Variants in CSNK2A2IP observed in about 807,000 individuals in gnomAD.
CSNK2A2IP encodes casein kinase 2 subunit alpha' interacting protein.
the CSNK2A2IP span, chr3:88,466,494 C>T: frequency 8.1e-7 from 1 of 1,231,908 alleles, no homozygotes; most frequent in East Asian, 3.2e-5. Context: ...CCAAACACTG[C>T]ACCAGGAACA....
At chr3:88,461,397 C>CA in the CSNK2A2IP span, among the ~76,000 whole-genome samples, 1 of 151,728 alleles carries the variant, frequency 6.6e-6, no homozygotes, top group Non-Finnish European at 1.5e-5. Flanking sequence ...ACTAAAAATA[C>CA]AAAAAATTAG....
At chr3:88,455,003 C>T in the CSNK2A2IP span, among the ~76,000 whole-genome samples, 1 of 151,870 alleles carries the variant, frequency 6.6e-6, no homozygotes, top group African/African-American at 2.4e-5. Flanking sequence ...CTGAGTCTGT[C>T]TTATTTCACT....
the CSNK2A2IP span, among the ~76,000 whole-genome samples, chr3:88,375,573 T>A: frequency 6.6e-6 from 1 of 151,782 alleles, no homozygotes; most frequent in East Asian, 1.9e-4. Flanking sequence ...AGAGGAAAAG[T>A]GTTGATACCC....
the CSNK2A2IP span, among the ~76,000 whole-genome samples, chr3:88,423,834 A>T: frequency 5.3e-5 from 8 of 152,190 alleles, no homozygotes; most frequent in African/African-American, 1.9e-4. Context: ...GTGAGTTTTA[A>T]CCTGACCAGC....
the CSNK2A2IP span, among the ~76,000 whole-genome samples, chr3:88,428,473 C>T: frequency 6.6e-6 from 1 of 152,042 alleles, no homozygotes; most frequent in East Asian, 1.9e-4. Context: ...TATGCTTTGG[C>T]TCTGTGTCCC....
chr3:88,452,514 G>T, the CSNK2A2IP span, among the ~76,000 whole-genome samples: 437 of 152,220 alleles, frequency 2.9e-3, 2 homozygotes, highest in African/African-American at 9.8e-3. Context: ...ACAGCTGCAA[G>T]GTGATGCTGT....
chr3:88,416,235 G>A, the CSNK2A2IP span, among the ~76,000 whole-genome samples: 165 of 149,064 alleles, frequency 1.1e-3, 4 homozygotes, highest in African/African-American at 3.8e-3. Context: ...ATCGGCCACT[G>A]CACTCCAGCC....
the CSNK2A2IP span, among the ~76,000 whole-genome samples, chr3:88,363,457 C>A: frequency 6.6e-6 from 1 of 152,086 alleles, no homozygotes. Flanking sequence ...TTAGTATAAC[C>A]ATTTTATTAC....
the CSNK2A2IP span, among the ~76,000 whole-genome samples, chr3:88,429,980 C>T: frequency 1.3e-5 from 2 of 150,846 alleles, no homozygotes; most frequent in African/African-American, 4.9e-5. Context: ...TCAGGATGGT[C>T]TCGATCTCCT....
chr3:88,368,571 A>G, the CSNK2A2IP span, among the ~76,000 whole-genome samples: 1 of 152,022 alleles, frequency 6.6e-6, no homozygotes, highest in Non-Finnish European at 1.5e-5. Context: ...GAATGCCAGT[A>G]TGATTTCCTC....
the CSNK2A2IP span, among the ~76,000 whole-genome samples, chr3:88,462,267 T>C: frequency 6.6e-6 from 1 of 152,136 alleles, no homozygotes; most frequent in Non-Finnish European, 1.5e-5. Context: ...TTAAGAAATC[T>C]TTGCATGCTC....
At chr3:88,395,790 T>C in the CSNK2A2IP span, among the ~76,000 whole-genome samples, 2 of 152,220 alleles carry the variant, frequency 1.3e-5, no homozygotes, top group African/African-American at 2.4e-5. Context: ...AAATTTTCTT[T>C]GAGTTTTCAA....
At chr3:88,428,958 T>C in the CSNK2A2IP span, among the ~76,000 whole-genome samples, 2 of 133,806 alleles carry the variant, frequency 1.5e-5, no homozygotes, top group East Asian at 4.4e-4. Flanking sequence ...ATAAGTGTGG[T>C]CCAGCTTATT....
At chr3:88,357,525 T>C in the CSNK2A2IP span, among the ~76,000 whole-genome samples, 3 of 152,272 alleles carry the variant, frequency 2.0e-5, no homozygotes, top group East Asian at 5.8e-4. Flanking sequence ...ATCTCCAACT[T>C]TGTTCCTTTT....
chr3:88,417,621 CA>C, the CSNK2A2IP span, among the ~76,000 whole-genome samples: 1 of 152,200 alleles, frequency 6.6e-6, no homozygotes, highest in African/African-American at 2.4e-5. Context: ...ATGAGTATGA[CA>C]GGCAATCTAA....
chr3:88,452,178 A>AT, the CSNK2A2IP span, among the ~76,000 whole-genome samples: 49,456 of 146,322 alleles, frequency 0.34, 9,115 homozygotes, highest in Admixed American at 0.5. Context: ...CTCGGTTTAG[A>AT]TTTTTTTTTT....
the CSNK2A2IP span, among the ~76,000 whole-genome samples, chr3:88,349,745 C>T: frequency 2.0e-5 from 3 of 152,164 alleles, no homozygotes; most frequent in Middle Eastern, 3.4e-3. Flanking sequence ...ATTTATGTTT[C>T]GACCAGAAGT....
At chr3:88,453,503 T>A in the CSNK2A2IP span, among the ~76,000 whole-genome samples, 1 of 152,134 alleles carries the variant, frequency 6.6e-6, no homozygotes, top group Non-Finnish European at 1.5e-5. Context: ...TCTTCACTGA[T>A]ATTTAAGACA....
chr3:88,404,436 A>G, the CSNK2A2IP span, among the ~76,000 whole-genome samples: 1 of 152,204 alleles, frequency 6.6e-6, no homozygotes, highest in Non-Finnish European at 1.5e-5. Flanking sequence ...ATGTTAGATC[A>G]GTGCTGTCCA....
Sources: allele counts gnomAD v4.1 joint callset (sites outside exome capture counted in the v4.1 genomes callset), GRCh38; gene constraint gnomAD v4.1.1; transcripts MANE v1.5; gene names NCBI Gene and HGNC (gene_info 2026-07-23, HGNC 2026-07-21).